Variants in FRMD4B observed in about 807,000 individuals in gnomAD.
FRMD4B encodes FERM domain-containing protein 4B.
Under a neutral mutation model 141.5 loss-of-function variants are expected in FRMD4B, and 74 were observed. The observed-to-expected ratio is 0.52, with a 90% CI of 0.43 to 0.63. FRMD4B has a LOEUF of 0.63. Ranked by LOEUF, FRMD4B falls within the 30% of genes least tolerant of loss-of-function variation. The pLI is 0.00. For missense variants in FRMD4B, 1,366 were observed against 1,253.4 expected (o/e 1.09, Z -1.36); for synonymous variants, 506 against 467.9 (o/e 1.08, Z -1.05).
rs2092702422 is a variant in FRMD4B at position 69,181,117 on chromosome 3, T to A, written c.2633A>T (p.Lys878Met). 4 of 1,614,000 alleles carry A rather than the reference T, an allele frequency of 2.5e-6. No individual in the cohort carries two copies. Among genetic ancestry groups the A allele is most frequent in the Non-Finnish European group, 3.4e-6 (4 of 1,179,884 alleles). Reference protein sequence around the residue: ...NPYATLRLPRKAAAKSEHITK... With the variant: ...NPYATLRLPRMAAAKSEHITK... ...GATGTGCTCCGATTTTGCAGCAGCC[T>A]TCCTTGGCAGCCGGAGAGTTGCATA... Residue 878 changes from lysine to methionine, a missense_variant, in exon 21 of 23, where the codon AAG (lysine) becomes ATG (methionine). Lys to Met is a moderately conservative substitution (Grantham distance 95). Transcript: ENST00000398540.
At chr3:69,312,606 T>C (rs1701637671) in intron 2 of FRMD4B, among the ~76,000 whole-genome samples, 1 of 152,148 alleles carries the variant, frequency 6.6e-6, no homozygotes, top group African/African-American at 2.4e-5. Context: ...ACAATAAAAA[T>C]ATCATCGCTT....
In FRMD4B at chr3:69,514,728, G is replaced by T. The variant is rs1415050654; in HGVS notation, c.-129+27478C>A. On this transcript the variant is annotated intron_variant, in intron 1 of 5. Coordinates refer to the FRMD4B transcript ENST00000459638. ...TAAATAAATAAATAAATAAATAAAT[G>T]GAAAGACATTCTGTGTTCACGAATT... 2.3e-5 allele frequency among the ~76,000 whole-genome samples: 3 copies of T among 131,714 alleles called. 1 individual carries two copies. In the South Asian group the frequency reaches 8.1e-4, roughly 35 times the overall value. 86.4% of individuals were successfully genotyped at this position (131,714 alleles called of 152,430 possible). A position where few individuals can be genotyped will look rare whatever the true frequency, so the allele number is the denominator to read the frequency against.
At position 69,288,653 on chromosome 3, in the gene FRMD4B, G is replaced by C. The variant is rs750532818; in HGVS notation, c.417-817C>G. On this transcript the variant is annotated intron_variant, in intron 4 of 22. Transcript: ENST00000398540. ...CAAAGGCTGGCACTCTGTGGTGTGCGAGTGGGCAAGCTGGGGCCCCGAAGT... is the reference window on the plus strand; with the variant it reads ...CAAAGGCTGGCACTCTGTGGTGTGCCAGTGGGCAAGCTGGGGCCCCGAAGT... Among the ~76,000 whole-genome samples the C allele has an allele frequency of 1.4e-4, 21 of 152,184 alleles. 1 individual carries two copies. The highest frequency in any genetic ancestry group is 2.1e-4 in the South Asian group (1 of 4,834).
In FRMD4B at chr3:69,229,892, G is replaced by T. The variant is rs796774793; in HGVS notation, c.582-5202C>A. ...AGCTACTTTTTGTATTTTCAGTAGAGACAGGGTTTCACCATGTTGGCCAGG... is the reference window on the plus strand; with the variant it reads ...AGCTACTTTTTGTATTTTCAGTAGATACAGGGTTTCACCATGTTGGCCAGG... On this transcript the variant is annotated intron_variant, in intron 7 of 22. Coordinates refer to ENST00000398540, the MANE Select transcript of FRMD4B (RefSeq NM_015123.3). Among the ~76,000 whole-genome samples, 95 of 152,142 alleles carry T rather than the reference G, an allele frequency of 6.2e-4. 1 individual carries two copies. The highest frequency in any genetic ancestry group is 2.3e-3 in the African/African-American group (95 of 41,518).
chr3:69,355,042 T>C (rs1341481497), intron 1 of FRMD4B, among the ~76,000 whole-genome samples: 2 of 149,420 alleles, frequency 1.3e-5, no homozygotes, highest in South Asian at 2.1e-4. Flanking sequence ...AAAAAAAAGC[T>C]GGGCAATGAT....
At position 69,218,366 on chromosome 3, in the gene FRMD4B, C is replaced by T; in HGVS notation, c.745G>A (p.Val249Ile). Residue 249 changes from valine to isoleucine, a missense_variant, in exon 10 of 23, where the codon GTA becomes ATA. By Grantham distance (29) the Val-to-Ile change is conservative (BLOSUM62 3). Coordinates refer to ENST00000398540, the MANE Select transcript of FRMD4B (RefSeq NM_015123.3). Reference sequence around the variant, plus strand: ...ACACCGTAAGTCGGTAGAGCTTCTACTATTTTCATATACCTATGGAAAATA... The same window carrying T: ...ACACCGTAAGTCGGTAGAGCTTCTATTATTTTCATATACCTATGGAAAATA... ...GQAVVQYMKI[V>I]EALPTYGVHY... 1 of 1,452,302 alleles carries T rather than the reference C, an allele frequency of 6.9e-7. No individual in the cohort carries two copies. Among genetic ancestry groups the T allele is most frequent in the Non-Finnish European group, 9.6e-7 (1 of 1,038,416 alleles). 90.0% of individuals were successfully genotyped at this position (1,452,302 alleles called of 1,614,324 possible). A position where few individuals can be genotyped will look rare whatever the true frequency, so the allele number is the denominator to read the frequency against.
chr3:69,418,655 C>T (rs1704915714), intron 2 of FRMD4B, among the ~76,000 whole-genome samples: 1 of 152,106 alleles, frequency 6.6e-6, no homozygotes, highest in Non-Finnish European at 1.5e-5. Flanking sequence ...GGACCTCAGT[C>T]CTACAACTGT....
intron 7 of FRMD4B, among the ~76,000 whole-genome samples, chr3:69,239,286 G>C (rs969324053): frequency 1.3e-5 from 2 of 152,204 alleles, no homozygotes; most frequent in Non-Finnish European, 2.9e-5. Flanking sequence ...TGTGTTCTGG[G>C]AAGTGCAGTG....
rs1349289068 is a variant in FRMD4B at position 69,328,981 on chromosome 3, C to T, written c.163-15464G>A. On this transcript the variant is annotated intron_variant, in intron 1 of 22. Transcript: ENST00000398540. ...TTTGTTTCTTTACTTCTCTAATAAA[C>T]TTGCTTTCACTTTACTCTATGGACT... Among the ~76,000 whole-genome samples, 5 of 152,200 alleles carry T rather than the reference C, an allele frequency of 3.3e-5. No homozygotes were observed. The East Asian group carries it at 9.6e-4, about 29-fold the overall frequency.
intron 1 of FRMD4B, among the ~76,000 whole-genome samples, chr3:69,488,853 A>T (rs1306890612): frequency 7.0e-6 from 1 of 142,132 alleles, no homozygotes; most frequent in African/African-American, 2.6e-5. Context: ...AGATCACACC[A>T]CTGCACTCCA....
chr3:69,323,634 A>G lies in FRMD4B; in HGVS notation c.163-10117T>C, dbSNP rs1281185344. Among the ~76,000 whole-genome samples the G allele has an allele frequency of 1.1e-3, 84 of 78,256 alleles. 3 individuals carry two copies. Among genetic ancestry groups the G allele is most frequent in the South Asian group, 1.9e-3 (5 of 2,566 alleles). 51.3% of individuals were successfully genotyped at this position (78,256 alleles called of 152,430 possible). ...TATATATATATATATATATATATAT[A>G]TATATATATATATATATATGCGTTT... On this transcript the variant is annotated intron_variant, in intron 1 of 22. Transcript: ENST00000398540.
chr3:69,445,891 T>C (rs1705403741), intron 1 of FRMD4B, among the ~76,000 whole-genome samples: 1 of 152,238 alleles, frequency 6.6e-6, no homozygotes, highest in South Asian at 2.1e-4. Context: ...CTGGCTTTCT[T>C]GTCCCACTAG....
chr3:69,260,306 C>T (rs1361211405), intron 5 of FRMD4B, among the ~76,000 whole-genome samples: 2 of 152,210 alleles, frequency 1.3e-5, no homozygotes, highest in African/African-American at 2.4e-5. Context: ...GCACCGTGTT[C>T]GCGAGTTGGC....
chr3:69,306,038 A>G (rs750605678), intron 3 of FRMD4B, among the ~76,000 whole-genome samples: 2 of 152,212 alleles, frequency 1.3e-5, no homozygotes, highest in Non-Finnish European at 2.9e-5. Flanking sequence ...TAAAGAAGAT[A>G]TTCATGCATA....
chr3:69,196,817 T>C, intron 13 of FRMD4B, 83 bp downstream of exon 13: 1 of 1,038,358 alleles, frequency 9.6e-7, no homozygotes. Flanking sequence ...TATATGTGCT[T>C]GCATCTTTTG....
intron 1 of FRMD4B, among the ~76,000 whole-genome samples, chr3:69,529,133 A>G (rs1053176446): frequency 2.6e-5 from 4 of 152,204 alleles, no homozygotes; most frequent in Non-Finnish European, 5.9e-5. Flanking sequence ...AGCGTCTGCT[A>G]TAGTAATCAA....
At chr3:69,330,647 CT>C (rs59308674) in intron 1 of FRMD4B, among the ~76,000 whole-genome samples, 17 of 147,260 alleles carry the variant, frequency 1.2e-4, no homozygotes, top group African/African-American at 1.7e-4. Context: ...GCCTGGCCGC[CT>C]TTTTTTTTTC....
chr3:69,383,489 G>C (rs1704171919), intron 1 of FRMD4B, among the ~76,000 whole-genome samples: 1 of 152,050 alleles, frequency 6.6e-6, no homozygotes, highest in African/African-American at 2.4e-5. Context: ...ATAGTTCGGG[G>C]GTACATGTGA....
chr3:69,242,059 T>C (rs558354245), intron 7 of FRMD4B, among the ~76,000 whole-genome samples: 11 of 152,280 alleles, frequency 7.2e-5, no homozygotes, highest in African/African-American at 2.2e-4. Context: ...ACAATGACAG[T>C]GCCATCAAAG....
Sources: gnomAD v4.1 joint callset for allele counts (sites outside exome capture counted in the v4.1 genomes callset) on GRCh38, gnomAD v4.1.1 for gene constraint, MANE v1.5 for transcripts, NCBI Gene and HGNC (gene_info 2026-07-23, HGNC 2026-07-21) for gene names.